MFSD12: variants seen among roughly 807,000 people sequenced by gnomAD.
MFSD12 encodes major facilitator superfamily domain-containing protein 12.
In MFSD12, 67 loss-of-function variants were observed where a neutral mutation model predicts 51.2. That is an observed-to-expected ratio of 1.31 (90% CI 1.08 to 1.60). MFSD12 has a LOEUF of 1.60. Among genes scored for constraint, MFSD12 ranks in the 40% most tolerant of loss-of-function variants. MFSD12 has a pLI of 0.00. For missense variants in MFSD12, 921 were observed against 673.0 expected (o/e 1.37, Z -4.08); for synonymous variants, 441 against 316.7 (o/e 1.39, Z -4.17).
intron 1 of MFSD12, among the ~76,000 whole-genome samples, chr19:3,555,016 T>C (rs745500536): frequency 4.9e-4 from 75 of 152,194 alleles, no homozygotes; most frequent in Non-Finnish European, 9.4e-4. Flanking sequence ...GGTGGACGCC[T>C]TGGTGTCCGG....
intron 8 of MFSD12, among the ~76,000 whole-genome samples, chr19:3,545,381 C>G (rs2030914579): frequency 6.6e-6 from 1 of 152,236 alleles, no homozygotes; most frequent in Non-Finnish European, 1.5e-5. Context: ...CCACCAGGCC[C>G]TGCACGACCT....
downstream of MFSD12, chr19:3,543,959 C>A: frequency 1.3e-6 from 2 of 1,550,580 alleles, no homozygotes; most frequent in Non-Finnish European, 1.7e-6. Flanking sequence ...AACCATACTG[C>A]CCCTCCACCT....
intron 1 of MFSD12, among the ~76,000 whole-genome samples, chr19:3,553,809 C>T (rs1053850320): frequency 2.7e-5 from 4 of 149,322 alleles, no homozygotes; most frequent in African/African-American, 7.4e-5. Context: ...AGGCTGGGTG[C>T]GGTGGCTCAT....
chr19:3,546,028 C>T (rs1449671464), intron 8 of MFSD12, 46 bp downstream of exon 8: 1 of 1,595,852 alleles, frequency 6.3e-7, no homozygotes, highest in South Asian at 1.1e-5. Flanking sequence ...GCGCTTAATC[C>T]CCTCTTACTG....
At chr19:3,540,447 G>A (rs574740929), downstream of MFSD12, among the ~76,000 whole-genome samples, 44 of 151,434 alleles carry the variant, frequency 2.9e-4, 1 homozygote, top group East Asian at 2.4e-3. Flanking sequence ...TAGTAGAGAC[G>A]GGGTTTCACC....
At chr19:3,543,672 A>AG (rs779279916), downstream of MFSD12, 13 of 1,538,334 alleles carry the variant, frequency 8.5e-6, no homozygotes, top group Non-Finnish European at 9.6e-6. Flanking sequence ...ATCCGGGGCA[A>AG]GGAATACGGT....
intron 6 of MFSD12, 146 bp from the exon 7 acceptor site, chr19:3,546,571 A>C: frequency 3.2e-6 from 3 of 947,296 alleles, no homozygotes; most frequent in East Asian, 2.7e-5. Flanking sequence ...CCTGGACACA[A>C]CACCGAGGCT....
At chr19:3,539,591 G>A (rs2030190962), downstream of MFSD12, 2 of 322,820 alleles carry the variant, frequency 6.2e-6, no homozygotes, top group Non-Finnish European at 1.2e-5. Flanking sequence ...GGCTGAGAGA[G>A]TCTGTCCCAC....
Position 3,557,236 on chromosome 19 carries a change from G to C in MFSD12, c.168C>G (p.Arg56=). 3 of 1,592,580 alleles carry C rather than the reference G, an allele frequency of 1.9e-6. No individual in the cohort carries two copies. The highest frequency in any genetic ancestry group is 2.6e-6 in the Non-Finnish European group (3 of 1,171,524). Residue 56 remains arginine, a synonymous_variant, in exon 1 of 10, where the codon CGC becomes CGG. Coordinates refer to ENST00000355415, the MANE Select transcript of MFSD12 (RefSeq NM_174983.5). ...YLHSVRAYSS[R]GAGLLLLLGQ... Reference sequence around the variant, plus strand: ...CCAGCAGCAGCAGCAGCCCCGCGCCGCGGGAGCTGTAGGCGCGCACCGAGT... The same window carrying C: ...CCAGCAGCAGCAGCAGCCCCGCGCCCCGGGAGCTGTAGGCGCGCACCGAGT...
At chr19:3,546,880 C>T (rs1186408620) in intron 6 of MFSD12, among the ~76,000 whole-genome samples, 4 of 152,052 alleles carry the variant, frequency 2.6e-5, no homozygotes, top group Admixed American at 2.0e-4. Context: ...GTCGCCCAGG[C>T]TGGAGTGCAG....
At position 3,548,057 on chromosome 19, in the gene MFSD12, G is replaced by A. The variant is rs765056138; in HGVS notation, c.655-27C>T. 2.4e-5 allele frequency: 38 copies of A among 1,599,958 alleles called. No individual in the cohort carries two copies. In the East Asian group the frequency reaches 8.0e-4, roughly 34 times the overall value. On this transcript the variant is annotated intron_variant, in intron 3 of 9. Coordinates refer to ENST00000355415, the MANE Select transcript of MFSD12 (RefSeq NM_174983.5). ...TGGGGATGCAGCAGAAGCAGTCAGTGGTGGCGGGCCCAGCCCCCGCCCCTG... is the reference window on the plus strand; with the variant it reads ...TGGGGATGCAGCAGAAGCAGTCAGTAGTGGCGGGCCCAGCCCCCGCCCCTG...
exon 5 of MFSD12, chr19:3,538,338 G>A (rs371064142): frequency 1.0e-4 from 20 of 193,206 alleles, no homozygotes; most frequent in African/African-American, 3.6e-4. Context: ...ACAGTGAGGT[G>A]GCGTTCAGTA....
downstream of MFSD12, chr19:3,544,058 G>A (rs1434802999): frequency 4.0e-6 from 6 of 1,484,426 alleles, no homozygotes; most frequent in Admixed American, 6.7e-5. Context: ...CAGATGAGGG[G>A]GCACTAACCT....
rs775915477 is a variant in MFSD12 at position 3,547,923 on chromosome 19, G to A, written c.762C>T (p.Thr254=). The A allele has an allele frequency of 5.0e-6, 8 of 1,584,608 alleles. No homozygotes were observed. The highest frequency in any genetic ancestry group is 1.4e-5 in the African/African-American group (1 of 73,486). The change falls in exon 4 of 10, where the codon ACC becomes ACT. Residue 254 remains threonine, a synonymous_variant. Coordinates refer to ENST00000355415, the MANE Select transcript of MFSD12 (RefSeq NM_174983.5). ...GGGCCGTGGCAGGGGCCAACAGGGG[G>A]GTGTGCTCGCCTGGCTCCTCCGCAT... ...RPHAEEPGEH[T]PLLAPATAQP... is the part of the protein sequence containing the mutation.
chr19:3,542,458 A>AAAAC, downstream of MFSD12: 1 of 985,260 alleles, frequency 1.0e-6, no homozygotes, highest in Non-Finnish European at 1.2e-6. Flanking sequence ...GTCAAAGCAT[A>AAAAC]AAACATCTTT....
In MFSD12 at chr19:3,544,840, G is replaced by A; in HGVS notation, c.1389C>T (p.Ser463=). The change falls in exon 9 of 10, where the codon AGC becomes AGT. Residue 463 remains serine, a synonymous_variant. Coordinates refer to ENST00000355415, the MANE Select transcript of MFSD12 (RefSeq NM_174983.5). ...GCAGGCGGGTCGGCCACAGCAGGAGGCTACAGAGACACAGGGCAGCGGCCA... is the reference window on the plus strand; with the variant it reads ...GCAGGCGGGTCGGCCACAGCAGGAGACTACAGAGACACAGGGCAGCGGCCA... ...VGVAAALCLC[S]LLLWPTRLRR... 3 of 1,612,536 alleles carry A rather than the reference G, an allele frequency of 1.9e-6. No homozygotes were observed. The highest frequency in any genetic ancestry group is 2.2e-5 in the South Asian group (2 of 91,050).
chr19:3,548,868 C>G (rs2031285984), intron 2 of MFSD12, among the ~76,000 whole-genome samples: 1 of 152,214 alleles, frequency 6.6e-6, no homozygotes, highest in African/African-American at 2.4e-5. Context: ...ATTGGGCAAC[C>G]TGTGTCGTTA....
At chr19:3,539,593 C>G, downstream of MFSD12, 2 of 309,486 alleles carry the variant, frequency 6.5e-6, no homozygotes, top group Non-Finnish European at 1.2e-5. Context: ...CTGAGAGAGT[C>G]TGTCCCACAC....
chr19:3,551,320 G>A lies in MFSD12; in HGVS notation c.299-126C>T. 1 of 735,608 alleles carries A rather than the reference G, an allele frequency of 1.4e-6. No homozygotes were observed. Among genetic ancestry groups the A allele is most frequent in the South Asian group, 1.9e-5 (1 of 52,368 alleles). The allele number at this position is 735,608 out of a possible 1,614,324, so 45.6% of individuals were successfully genotyped here. A position where few individuals can be genotyped will look rare whatever the true frequency, so the allele number is the denominator to read the frequency against. On this transcript the variant is annotated intron_variant, in intron 1 of 9. Coordinates refer to ENST00000355415, the MANE Select transcript of MFSD12 (RefSeq NM_174983.5). The surrounding 1 kb of genome is among the most constrained non-coding windows in gnomAD (Gnocchi z 4.6). ...TGGAGACGCCCCCCGCATGCACACA[G>A]TCACGCAGGAGCGAGGGTCTGCAGT...
Sources: gnomAD v4.1 joint callset for allele counts (sites outside exome capture counted in the v4.1 genomes callset) on GRCh38, gnomAD v4.1.1 for gene constraint, Gnocchi (gnomAD v3.1) non-coding constraint, MANE v1.5 for transcripts, NCBI Gene and HGNC (gene_info 2026-07-23, HGNC 2026-07-21) for gene names.